CCSER1: variants seen among roughly 807,000 people sequenced by gnomAD.
The protein encoded by CCSER1 is coiled-coil serine rich protein 1.
In CCSER1, 41 loss-of-function variants were observed where a neutral mutation model predicts 82.0. That is an observed-to-expected ratio of 0.50 (90% CI 0.39 to 0.65). The LOEUF (loss-of-function observed/expected upper bound fraction) is 0.65. Among genes scored for constraint, CCSER1 ranks in the 30% least tolerant of loss-of-function variants. CCSER1 has a pLI of 0.00. For synonymous variants in CCSER1, 414 were observed against 383.9 expected (o/e 1.08, Z -0.92); for missense variants, 1,119 against 1,064.2 (o/e 1.05, Z -0.72).
chr4:90,240,435 G>A (rs1248302026), intron 1 of CCSER1, among the ~76,000 whole-genome samples: 1 of 152,252 alleles, frequency 6.6e-6, no homozygotes, highest in East Asian at 1.9e-4. Context: ...GCATGGCTTG[G>A]CAGGGCTACA....
At chr4:91,257,027 T>G (rs1358549) in intron 10 of CCSER1, among the ~76,000 whole-genome samples, 85,257 of 151,984 alleles carry the variant, frequency 0.56, 24,999 homozygotes, top group African/African-American at 0.76. Flanking sequence ...GTCATTATTT[T>G]TTTATACATT....
chr4:90,342,404 T>C (rs1741548369), intron 3 of CCSER1, among the ~76,000 whole-genome samples: 2 of 152,186 alleles, frequency 1.3e-5, no homozygotes, highest in South Asian at 4.1e-4. Flanking sequence ...CTTCAGACAT[T>C]GACTATCCTC....
intron 10 of CCSER1, among the ~76,000 whole-genome samples, chr4:91,543,970 T>C (rs1761745737): frequency 1.3e-5 from 2 of 152,204 alleles, no homozygotes; most frequent in Non-Finnish European, 2.9e-5. Context: ...TTTCACATAG[T>C]CCCATATTTC....
intron 9 of CCSER1, among the ~76,000 whole-genome samples, chr4:90,926,013 T>C (rs1422359872): frequency 6.6e-6 from 1 of 152,018 alleles, no homozygotes; most frequent in African/African-American, 2.4e-5. Context: ...ACTTTCAGTA[T>C]CATAAACTAC....
intron 6 of CCSER1, among the ~76,000 whole-genome samples, chr4:90,692,298 G>A (rs2149239961): frequency 6.6e-6 from 1 of 151,824 alleles, no homozygotes; most frequent in East Asian, 1.9e-4. Context: ...GTCATTAAAT[G>A]CTTTTATTAA....
At chr4:90,249,655 G>GTA (rs150444703) in intron 1 of CCSER1, among the ~76,000 whole-genome samples, 1,553 of 152,198 alleles carry the variant, frequency 0.01, 17 homozygotes, top group Middle Eastern at 0.037. Context: ...CATCCATGTT[G>GTA]TAGCATGTAT....
chr4:91,211,131 A>C (rs533244559), intron 10 of CCSER1, among the ~76,000 whole-genome samples: 5 of 151,998 alleles, frequency 3.3e-5, no homozygotes, highest in African/African-American at 4.8e-5. Context: ...GGTGGCTGAT[A>C]TGTAGACAAG....
At chr4:90,789,096 T>C (rs573159413) in intron 7 of CCSER1, among the ~76,000 whole-genome samples, 1 of 152,340 alleles carries the variant, frequency 6.6e-6, no homozygotes, top group South Asian at 2.1e-4. Context: ...CTGATAATTA[T>C]GTAGTTGGTA....
chr4:90,142,860 A>G (rs1408404996), intron 1 of CCSER1, among the ~76,000 whole-genome samples: 3 of 152,176 alleles, frequency 2.0e-5, no homozygotes, highest in Non-Finnish European at 4.4e-5. Context: ...TATAAATTGC[A>G]TAGATTTTAA....
At chr4:90,620,614 C>G (rs1722130356) in intron 5 of CCSER1, among the ~76,000 whole-genome samples, 1 of 152,102 alleles carries the variant, frequency 6.6e-6, no homozygotes, top group South Asian at 2.1e-4. Context: ...GATTTAATGT[C>G]TTTCTTACTG....
chr4:90,526,842 G>A (rs933434657), intron 5 of CCSER1, among the ~76,000 whole-genome samples: 2 of 152,174 alleles, frequency 1.3e-5, no homozygotes, highest in African/African-American at 4.8e-5. Flanking sequence ...ACGTGTGCAT[G>A]TGTCTTTATA....
intron 1 of CCSER1, among the ~76,000 whole-genome samples, chr4:90,214,466 C>T (rs1740643402): frequency 1.3e-5 from 2 of 152,108 alleles, no homozygotes. Context: ...GCTTATGATT[C>T]TAAAATGTGA....
chr4:91,029,084 GC>G (rs1561484380), intron 9 of CCSER1, among the ~76,000 whole-genome samples: 1 of 151,886 alleles, frequency 6.6e-6, no homozygotes, highest in Non-Finnish European at 1.5e-5. Context: ...TTCAAAACAA[GC>G]TCAGGAAAAA....
At chr4:91,064,691 A>C (rs1373707562) in intron 9 of CCSER1, among the ~76,000 whole-genome samples, 1 of 152,206 alleles carries the variant, frequency 6.6e-6, no homozygotes, top group Non-Finnish European at 1.5e-5. Flanking sequence ...GCCTCAGGCA[A>C]ACAAAACAGC....
intron 10 of CCSER1, among the ~76,000 whole-genome samples, chr4:91,256,561 C>G (rs1340202191): frequency 6.6e-6 from 1 of 152,128 alleles, no homozygotes; most frequent in Admixed American, 6.5e-5. Context: ...TCTCCCAAGG[C>G]TTTAAAATTT....
chr4:90,901,621 T>A (rs971492214), intron 8 of CCSER1, among the ~76,000 whole-genome samples: 2 of 152,060 alleles, frequency 1.3e-5, no homozygotes, highest in Non-Finnish European at 2.9e-5. Flanking sequence ...CAATCTCTTC[T>A]AGCTGATAAG....
At chr4:90,896,001 G>A (rs1008730274) in intron 8 of CCSER1, among the ~76,000 whole-genome samples, 8 of 151,942 alleles carry the variant, frequency 5.3e-5, no homozygotes, top group African/African-American at 1.9e-4. Flanking sequence ...GGTTACTGCA[G>A]TGATTCCGGA....
In CCSER1 at chr4:90,690,855, A is replaced by G. The variant is rs569315877; in HGVS notation, c.1933-33059A>G. Among the ~76,000 whole-genome samples, 5 of 152,212 alleles carry G rather than the reference A, an allele frequency of 3.3e-5. No homozygotes were observed. The South Asian group carries it at 8.3e-4, about 25-fold the overall frequency. ...TACATCACATAGACCATGAACCCAG[A>G]ATACAAAGTTGTATGCTTTTATCTG... On this transcript the variant is annotated intron_variant, in intron 6 of 10. Coordinates refer to ENST00000509176, the MANE Select transcript of CCSER1 (RefSeq NM_001145065.2).
At chr4:91,034,158 G>A (rs915700165) in intron 9 of CCSER1, among the ~76,000 whole-genome samples, 7 of 152,150 alleles carry the variant, frequency 4.6e-5, no homozygotes, top group African/African-American at 1.7e-4. Context: ...TGAAGCAAGA[G>A]CAGAGGCTGT....
Sources: gnomAD v4.1 joint callset for allele counts (sites outside exome capture counted in the v4.1 genomes callset) on GRCh38, gnomAD v4.1.1 for gene constraint, MANE v1.5 for transcripts, NCBI Gene and HGNC (gene_info 2026-07-23, HGNC 2026-07-21) for gene names.